The following SOBP variants were observed in gnomAD, a reference collection of about 807,000 sequenced individuals.
SOBP encodes the protein sine oculis binding protein homolog.
In SOBP, 4 loss-of-function variants were observed where a neutral mutation model predicts 53.6. The ratio of observed to expected loss-of-function variants is 0.07; its 90% CI spans 0.04 to 0.17. The LOEUF (loss-of-function observed/expected upper bound fraction) is 0.17. SOBP is among the 10% of genes least tolerant of loss of function. The pLI, the probability that SOBP is intolerant of heterozygous loss-of-function variation, is 1.00. For synonymous variants in SOBP, 584 were observed against 522.6 expected (o/e 1.12, Z -1.60); for missense variants, 1,088 against 1,204.7 (o/e 0.90, Z 1.43).
chr6:107,496,478 C>G (rs1782701424), intron 1 of SOBP, among the ~76,000 whole-genome samples: 1 of 152,198 alleles, frequency 6.6e-6, no homozygotes, highest in African/African-American at 2.4e-5. Context: ...ATTATATAGC[C>G]ATCCAATTTA....
At chr6:107,564,789 G>A (rs1784870645) in intron 4 of SOBP, among the ~76,000 whole-genome samples, 1 of 152,158 alleles carries the variant, frequency 6.6e-6, no homozygotes, top group South Asian at 2.1e-4. Context: ...ATTTGCCTCG[G>A]GGAGCCAAAA....
At chr6:107,593,304 T>C (rs768788706) in intron 5 of SOBP, among the ~76,000 whole-genome samples, 12 of 152,146 alleles carry the variant, frequency 7.9e-5, no homozygotes, top group African/African-American at 2.2e-4. Flanking sequence ...AGGGGCCTTA[T>C]TGGGGGACGG....
rs567709541 is a variant in SOBP at position 107,635,068 on chromosome 6, C to T, written c.2224C>T (p.Pro742Ser). Residue 742 changes from proline (P) to serine (S), a missense_variant, in exon 6 of 7, where the codon CCC (proline) becomes TCC (serine). By Grantham distance (74) the Pro-to-Ser change is moderately conservative (BLOSUM62 -1). Around this residue, in one of 6 missense-constraint regions of SOBP, gnomAD observed 665 missense variants for 629.7 expected, o/e 1.06. Coordinates refer to ENST00000317357, the MANE Select transcript of SOBP (RefSeq NM_018013.4). This position sits in a 1 kb window ranked among gnomAD's most constrained non-coding sequence, Gnocchi z 4.5. ...GGGCGCTAAGAGCGCGGAGCCGCCT[C>T]CCGAGCAGCCGCCGCCGCCGCCGCC... ...AEGAKSAEPP[P>S]EQPPPPPPPA... The T allele has an allele frequency of 1.9e-4, 289 of 1,554,554 alleles. No homozygotes were observed. Among genetic ancestry groups the T allele is most frequent in the Non-Finnish European group, 2.4e-4 (280 of 1,150,780 alleles).
chr6:107,548,842 G>A (rs1013542149), intron 4 of SOBP, among the ~76,000 whole-genome samples: 1 of 152,172 alleles, frequency 6.6e-6, no homozygotes, highest in African/African-American at 2.4e-5. Context: ...GGAGGCTGAG[G>A]TAGGAGAATT....
chr6:107,518,128 T>C (rs1354962379), intron 3 of SOBP, among the ~76,000 whole-genome samples: 1 of 152,196 alleles, frequency 6.6e-6, no homozygotes, highest in Non-Finnish European at 1.5e-5. Flanking sequence ...ATTGACAATG[T>C]ATAAAGAATC....
At chr6:107,602,568 T>TAAAAAAATAAA in intron 5 of SOBP, among the ~76,000 whole-genome samples, 1 of 102,782 alleles carries the variant, frequency 9.7e-6, no homozygotes, top group East Asian at 2.8e-4. Flanking sequence ...TAAGCCGCGT[T>TAAAAAAATAAA]AAAAAAAAAA....
At chr6:107,532,031 T>C (rs1448312250) in intron 3 of SOBP, among the ~76,000 whole-genome samples, 1 of 152,056 alleles carries the variant, frequency 6.6e-6, no homozygotes, top group Non-Finnish European at 1.5e-5. Context: ...CATGACAAAC[T>C]CTATGAACCC....
At chr6:107,652,482 G>A (rs1305491889) in intron 6 of SOBP, among the ~76,000 whole-genome samples, 1 of 152,208 alleles carries the variant, frequency 6.6e-6, no homozygotes, top group Admixed American at 6.5e-5. Flanking sequence ...AATGAACAAA[G>A]AAATTGGTTT....
chr6:107,635,506 A>G lies in SOBP; in HGVS notation c.*3+37A>G. 1.2e-6 allele frequency: 2 copies of G among 1,609,718 alleles called. No individual in the cohort carries two copies. The highest frequency in any genetic ancestry group is 1.1e-5 in the South Asian group (1 of 90,742). ...CGCCGGGCGCTCCTCCACACCAGCC[A>G]GTGCACCTCTCCTTACTTCTGACAA... is the stretch of plus-strand genomic sequence containing the variant. On this transcript the variant is annotated intron_variant, in intron 6 of 6. Transcript: ENST00000317357. This position sits in a 1 kb window ranked among gnomAD's most constrained non-coding sequence, Gnocchi z 4.5.
chr6:107,561,784 A>G (rs1031410099), intron 4 of SOBP, among the ~76,000 whole-genome samples: 1 of 152,196 alleles, frequency 6.6e-6, no homozygotes, highest in African/African-American at 2.4e-5. Context: ...GAGCCTTGAC[A>G]GCTGTCTAAG....
chr6:107,598,061 G>C (rs912578017), intron 5 of SOBP, among the ~76,000 whole-genome samples: 1 of 152,130 alleles, frequency 6.6e-6, no homozygotes, highest in Non-Finnish European at 1.5e-5. Flanking sequence ...GGTACCTGCT[G>C]TCTCCCCAGG....
Position 107,517,012 on chromosome 6 carries a change from TG to T in SOBP, c.421+10586del, listed in dbSNP as rs759664733. 7.0e-4 allele frequency among the ~76,000 whole-genome samples: 106 copies of T among 152,332 alleles called. 1 individual carries two copies. Among genetic ancestry groups the T allele is most frequent in the Non-Finnish European group, 1.3e-3 (87 of 68,028 alleles). ...TAAAATTTTGTGGAAATTAAAAAGT[TG>T]TTTTTTAAAATGTATATGGAGATGC... On this transcript the variant is annotated intron_variant, in intron 3 of 6. Coordinates refer to ENST00000317357, the MANE Select transcript of SOBP (RefSeq NM_018013.4).
chr6:107,618,624 C>T (rs1251946731), intron 5 of SOBP, among the ~76,000 whole-genome samples: 1 of 152,166 alleles, frequency 6.6e-6, no homozygotes, highest in East Asian at 1.9e-4. Flanking sequence ...CAGTTAAGGA[C>T]AGTCCTTTGT....
At chr6:107,500,805 C>A (rs9486630) in intron 1 of SOBP, among the ~76,000 whole-genome samples, 1 of 152,088 alleles carries the variant, frequency 6.6e-6, no homozygotes, top group Non-Finnish European at 1.5e-5. Context: ...GATTACAGGT[C>A]TGAGCCACCA....
At chr6:107,653,364 A>G (rs1771888926) in intron 6 of SOBP, among the ~76,000 whole-genome samples, 1 of 152,240 alleles carries the variant, frequency 6.6e-6, no homozygotes, top group Non-Finnish European at 1.5e-5. Context: ...AGAGCAATCC[A>G]GTCCTCAGGG....
At chr6:107,520,677 G>C (rs1447815153) in intron 3 of SOBP, among the ~76,000 whole-genome samples, 1 of 152,202 alleles carries the variant, frequency 6.6e-6, no homozygotes, top group African/African-American at 2.4e-5. Flanking sequence ...CTTGTTAGAG[G>C]GTGGCCGTGT....
At chr6:107,647,397 A>G (rs1029585053) in intron 6 of SOBP, among the ~76,000 whole-genome samples, 1 of 152,150 alleles carries the variant, frequency 6.6e-6, no homozygotes, top group African/African-American at 2.4e-5. Flanking sequence ...GCTTATGTGT[A>G]AAAAATGAAG....
chr6:107,611,531 C>T (rs1407811857), intron 5 of SOBP, among the ~76,000 whole-genome samples: 1 of 152,194 alleles, frequency 6.6e-6, no homozygotes, highest in Non-Finnish European at 1.5e-5. Context: ...CCAACACTTT[C>T]TGCTTGCTGA....
chr6:107,519,634 G>A (rs1783422597), intron 3 of SOBP, among the ~76,000 whole-genome samples: 1 of 152,160 alleles, frequency 6.6e-6, no homozygotes, highest in Admixed American at 6.5e-5. Context: ...CAGTGTAGGG[G>A]ATTAAAGCAT....
Sources: gnomAD v4.1 joint callset for allele counts (sites outside exome capture counted in the v4.1 genomes callset) on GRCh38, gnomAD v4.1.1 for gene constraint, gnomAD v4.1.1 regional missense constraint, Gnocchi (gnomAD v3.1) non-coding constraint, MANE v1.5 for transcripts, NCBI Gene and HGNC (gene_info 2026-07-23, HGNC 2026-07-21) for gene names.